ANKEF1: variants seen among roughly 807,000 people sequenced by gnomAD.
The protein encoded by ANKEF1 is ankyrin repeat and EF-hand domain-containing protein 1.
Under a neutral mutation model 65.1 loss-of-function variants are expected in ANKEF1, and 43 were observed. That is an observed-to-expected ratio of 0.66 (90% CI 0.52 to 0.85). The LOEUF (loss-of-function observed/expected upper bound fraction) is 0.85, where lower values mean the gene tolerates loss of function less well. Ranked by LOEUF, ANKEF1 falls within the 40% of genes least tolerant of loss-of-function variation. The probability of loss-of-function intolerance (pLI) is 0.00; values close to 1 mark genes in which losing one functional copy is unlikely to be tolerated. For synonymous variants in ANKEF1, 316 were observed against 341.5 expected (o/e 0.93, Z 0.82); for missense variants, 934 against 952.9 (o/e 0.98, Z 0.26).
In ANKEF1 at chr20:10,053,245, G is replaced by C; in HGVS notation, c.2004G>C (p.Lys668Asn). 2 of 1,602,222 alleles carry C rather than the reference G, an allele frequency of 1.2e-6. No individual in the cohort carries two copies. Among genetic ancestry groups the C allele is most frequent in the South Asian group, 2.3e-5 (2 of 88,150 alleles). ...KLKGKTPPIL[K>N]TEGPEIKKEE... ...AAGGCAAGACACCTCCTATACTGAA[G>C]ACTGAAGGCCCTGAAATTAAGAAAG... is the stretch of plus-strand genomic sequence containing the variant. Residue 668 changes from lysine (K) to asparagine (N), a missense_variant, in exon 9 of 11, where the codon AAG becomes AAC. Physicochemically the swap from Lys to Asn is moderately conservative, Grantham distance 94. Transcript: ENST00000378392.
intron 1 of ANKEF1, 119 bp from the exon 2 acceptor site, chr20:10,035,460 C>T (rs550720558): frequency 6.6e-6 from 1 of 152,204 alleles, no homozygotes. Flanking sequence ...TGTAAACTAT[C>T]GCTTACACTT....
At chr20:10,045,051 A>T (rs958572378) in intron 5 of ANKEF1, among the ~76,000 whole-genome samples, 28 of 152,170 alleles carry the variant, frequency 1.8e-4, no homozygotes, top group African/African-American at 6.3e-4. Context: ...CTATTTTTTT[A>T]AATTCTGAAT....
At chr20:10,041,909 T>C (rs1226819494) in intron 3 of ANKEF1, among the ~76,000 whole-genome samples, 2 of 152,224 alleles carry the variant, frequency 1.3e-5, no homozygotes, top group African/African-American at 2.4e-5. Flanking sequence ...TGTTTTTACA[T>C]GAACAAAGTC....
Position 10,045,600 on chromosome 20 carries a change from T to C in ANKEF1, c.723T>C (p.Asn241=), listed in dbSNP as rs1568512919. The C allele has an allele frequency of 1.2e-6, 2 of 1,613,660 alleles. No homozygotes were observed. The highest frequency in any genetic ancestry group is 1.7e-6 in the Non-Finnish European group (2 of 1,179,798). ...TATTGAAGCTTCTTTTTGCCTACAA[T>C]GGAGACGTGGGGCTGATTTCGATAA... ...FDILKLLFAY[N]GDVGLISING... The change falls in exon 6 of 11, where the codon AAT becomes AAC. Residue 241 remains asparagine, a synonymous_variant. Coordinates refer to ENST00000378392, the MANE Select transcript of ANKEF1 (RefSeq NM_022096.6).
In ANKEF1 at chr20:10,056,496, T is replaced by TGATAGATAGATGATAGATA. The variant is rs1985168331; in HGVS notation, c.*847_*848insGATAGATAGATAGATAGAT. On this transcript the variant is annotated 3_prime_UTR_variant, in exon 11 of 11. Coordinates refer to ENST00000378392, the MANE Select transcript of ANKEF1 (RefSeq NM_022096.6). ...GATAGATGATAGATAGATAGATAGA[T>TGATAGATAGATGATAGATA]GATAGATAGATAGATAGATAGATAG... The TGATAGATAGATGATAGATA allele has an allele frequency of 7.0e-6, 1 of 143,714 alleles. No homozygotes were observed. The highest frequency in any genetic ancestry group is 1.5e-5 in the Non-Finnish European group (1 of 66,172). The allele number at this position is 143,714 out of a possible 1,614,324, so 8.9% of individuals were successfully genotyped here. A position where few individuals can be genotyped will look rare whatever the true frequency, so the allele number is the denominator to read the frequency against.
At position 10,035,023 on chromosome 20, in the gene ANKEF1, A is replaced by G. The variant is rs934921942; in HGVS notation, c.-419A>G. 2 of 153,100 alleles carry G rather than the reference A, an allele frequency of 1.3e-5. No individual in the cohort carries two copies. Among genetic ancestry groups the G allele is most frequent in the East Asian group, 3.9e-4 (2 of 5,194 alleles). The allele number at this position is 153,100 out of a possible 1,614,324, so 9.5% of individuals were successfully genotyped here. A position where few individuals can be genotyped will look rare whatever the true frequency, so the allele number is the denominator to read the frequency against. ...CGCGCCCTGCGTGGCGGAAGCTCAC[A>G]ATCAGCCCGGTCCCTCCGGCTTCCA... On this transcript the variant is annotated 5_prime_UTR_variant, in exon 1 of 11. Coordinates refer to ENST00000378392, the MANE Select transcript of ANKEF1 (RefSeq NM_022096.6).
Position 10,049,715 on chromosome 20 carries a change from T to A in ANKEF1, c.1146T>A (p.His382Gln). 1 of 1,614,098 alleles carries A rather than the reference T, an allele frequency of 6.2e-7. No homozygotes were observed. The highest frequency in any genetic ancestry group is 8.5e-7 in the Non-Finnish European group (1 of 1,180,012). Residue 382 changes from histidine to glutamine, a missense_variant, in exon 7 of 11, where the codon CAT (histidine) becomes CAA (glutamine). By Grantham distance (24) the His-to-Gln change is conservative. Coordinates refer to ENST00000378392, the MANE Select transcript of ANKEF1 (RefSeq NM_022096.6). The part of the protein sequence containing the change: ...SEQLAAIAHL[H>Q]EKTRGGGVNI... ...AGCTGGCTGCCATCGCTCACCTTCA[T>A]GAGAAAACCCGGGGAGGAGGGGTCA... is the stretch of plus-strand genomic sequence containing the variant.
rs374348341 is a variant in ANKEF1, at chr20:10,043,116, C to G, written c.347-6C>G. On this transcript the variant is annotated splice_region_variant and splice_polypyrimidine_tract_variant and intron_variant, in intron 3 of 10. Coordinates refer to ENST00000378392, the MANE Select transcript of ANKEF1 (RefSeq NM_022096.6). Reference sequence around the variant, plus strand: ...AATACTCTCTGGGGATTTTATTTCTCTGCAGGTGTTTTGTTTTACTGCATT... The same window carrying G: ...AATACTCTCTGGGGATTTTATTTCTGTGCAGGTGTTTTGTTTTACTGCATT... The G allele has an allele frequency of 2.2e-5, 36 of 1,613,330 alleles. No individual in the cohort carries two copies. Among genetic ancestry groups the G allele is most frequent in the Non-Finnish European group, 3.1e-5 (36 of 1,179,584 alleles).
In ANKEF1 at chr20:10,049,788, G is replaced by T. The variant is rs1984739880; in HGVS notation, c.1219G>T (p.Val407Phe). ...AACCAGATATTTAAACAAGTCTTTT[G>T]TCTTAGGATCGTATGGACCTAAGAA... ...KGTRYLNKSF[V>F]LGSYGPKKKE... The change falls in exon 7 of 11, where the codon GTC becomes TTC. Residue 407 changes from valine (V) to phenylalanine (F), a missense_variant. Coordinates refer to ENST00000378392, the MANE Select transcript of ANKEF1 (RefSeq NM_022096.6). 1.2e-6 allele frequency: 2 copies of T among 1,614,138 alleles called. No homozygotes were observed. Among genetic ancestry groups the T allele is most frequent in the Non-Finnish European group, 1.7e-6 (2 of 1,180,028 alleles).
Position 10,057,872 on chromosome 20 carries a change from A to T in ANKEF1, c.*2212A>T, listed in dbSNP as rs1053541292. ...ATCTCTTTAGTCTCTTTTAGTTTAG[A>T]ACAACCTGTATTTCTTGTTTGTTTG... On this transcript the variant is annotated 3_prime_UTR_variant, in exon 11 of 11. Transcript: ENST00000378392. 1 of 147,270 alleles carries T rather than the reference A, an allele frequency of 6.8e-6. No individual in the cohort carries two copies. Among genetic ancestry groups the T allele is most frequent in the African/African-American group, 2.5e-5 (1 of 39,484 alleles). The allele number at this position is 147,270 out of a possible 1,614,324, so 9.1% of individuals were successfully genotyped here.
chr20:10,036,648 C>T (rs2122214967), intron 2 of ANKEF1, among the ~76,000 whole-genome samples: 1 of 152,282 alleles, frequency 6.6e-6, no homozygotes, highest in African/African-American at 2.4e-5. Flanking sequence ...TCAAGATCAG[C>T]CTGGCCAACA....
At chr20:10,054,375 C>A in intron 9 of ANKEF1, 87 bp from the exon 10 acceptor site, 3 of 1,100,686 alleles carry the variant, frequency 2.7e-6, no homozygotes, top group Non-Finnish European at 3.7e-6. Context: ...TTCTTTCTGG[C>A]TTCAGAGTAA....
chr20:10,041,438 G>A (rs927741504), intron 3 of ANKEF1, among the ~76,000 whole-genome samples: 5 of 151,852 alleles, frequency 3.3e-5, no homozygotes, highest in African/African-American at 1.2e-4. Flanking sequence ...AATTAGATAA[G>A]ATTAGTACAA....
intron 8 of ANKEF1, 95 bp from the exon 9 acceptor site, chr20:10,053,017 G>T: frequency 7.8e-7 from 1 of 1,274,812 alleles, no homozygotes; most frequent in Non-Finnish European, 1.1e-6. Flanking sequence ...CCCTTATTAG[G>T]GCAGGCTTAG....
intron 8 of ANKEF1, 104 bp downstream of exon 8, chr20:10,051,993 G>C (rs6141103): frequency 0.16 from 135,282 of 841,642 alleles, 11,993 homozygotes; most frequent in Admixed American, 0.25. Flanking sequence ...TGTCCACTGG[G>C]TTCCTGGTAC....
At chr20:10,055,408 G>T in intron 10 of ANKEF1, 94 bp from the exon 11 acceptor site, 2 of 1,184,896 alleles carry the variant, frequency 1.7e-6, no homozygotes, top group Non-Finnish European at 2.4e-6. Context: ...AAATTTTTAA[G>T]TTAAAACTGT....
chr20:10,042,460 A>G (rs576807139), intron 3 of ANKEF1, among the ~76,000 whole-genome samples: 1 of 152,246 alleles, frequency 6.6e-6, no homozygotes, highest in East Asian at 1.9e-4. Flanking sequence ...TTTCTTAGTA[A>G]CACTCTGCCC....
At position 10,055,782 on chromosome 20, in the gene ANKEF1, CT is replaced by C; in HGVS notation, c.*127del. On this transcript the variant is annotated 3_prime_UTR_variant, in exon 11 of 11. Coordinates refer to ENST00000378392, the MANE Select transcript of ANKEF1 (RefSeq NM_022096.6). Reference sequence around the variant, plus strand: ...ACCAAGAACTTGTTACCAAGAATTTCTTTTTGCTTTAACAACTATAAATATT... The same window carrying C: ...ACCAAGAACTTGTTACCAAGAATTTCTTTTGCTTTAACAACTATAAATATT... 2.0e-6 allele frequency: 2 copies of C among 979,198 alleles called. No individual in the cohort carries two copies. Among genetic ancestry groups the C allele is most frequent in the Non-Finnish European group, 3.0e-6 (2 of 659,890 alleles). The allele number at this position is 979,198 out of a possible 1,614,324, so 60.7% of individuals were successfully genotyped here. A position where few individuals can be genotyped will look rare whatever the true frequency, so the allele number is the denominator to read the frequency against.
intron 3 of ANKEF1, among the ~76,000 whole-genome samples, chr20:10,042,693 G>C (rs1009798612): frequency 1.3e-5 from 2 of 152,120 alleles, no homozygotes; most frequent in African/African-American, 4.8e-5. Context: ...TACAAACATG[G>C]TCAGTCTACA....
Sources: gnomAD v4.1 joint callset for allele counts (sites outside exome capture counted in the v4.1 genomes callset) on GRCh38, gnomAD v4.1.1 for gene constraint, MANE v1.5 for transcripts, NCBI Gene and HGNC (gene_info 2026-07-23, HGNC 2026-07-21) for gene names.